Variants in MAP4K4 observed in about 807,000 individuals in gnomAD.
MAP4K4 encodes HPK/GCK-like kinase HGK.
Under a neutral mutation model 189.6 loss-of-function variants are expected in MAP4K4, and 38 were observed. The observed-to-expected ratio is 0.20, with a 90% CI of 0.15 to 0.26. The LOEUF is 0.26. Among genes scored for constraint, MAP4K4 ranks in the 10% least tolerant of loss-of-function variants. The pLI is 1.00. For missense variants in MAP4K4, 1,054 were observed against 1,726.9 expected (o/e 0.61, Z 6.91); for synonymous variants, 610 against 624.3 (o/e 0.98, Z 0.34).
At chr2:101,861,688 C>T (rs894795054) in intron 16 of MAP4K4, 4 of 152,042 alleles carry the variant, frequency 2.6e-5, no homozygotes, top group African/African-American at 7.3e-5. Flanking sequence ...ACAGTGCTGT[C>T]CATAGAGGAG....
At chr2:101,709,664 G>A (rs1292856560) in intron 2 of MAP4K4, among the ~76,000 whole-genome samples, 2 of 152,050 alleles carry the variant, frequency 1.3e-5, no homozygotes, top group Non-Finnish European at 2.9e-5. Flanking sequence ...TATTTACCAT[G>A]TGATGCTAGA....
intron 2 of MAP4K4, among the ~76,000 whole-genome samples, chr2:101,742,342 T>C (rs1222698443): frequency 6.6e-6 from 1 of 152,198 alleles, no homozygotes; most frequent in African/African-American, 2.4e-5. Context: ...CTACGGTGTG[T>C]CTTTTGTCTT....
At chr2:101,844,396 CTG>C in intron 12 of MAP4K4, 85 bp downstream of exon 12, 1 of 1,068,262 alleles carries the variant, frequency 9.4e-7, no homozygotes, top group Non-Finnish European at 1.4e-6. Flanking sequence ...GGAATATCCT[CTG>C]TAGCTTCCTG....
rs1346559227 is a variant in MAP4K4 at position 101,758,295 on chromosome 2, A to T, written c.124-32425A>T. Among the ~76,000 whole-genome samples the T allele has an allele frequency of 6.6e-5, 10 of 152,124 alleles. No homozygotes were observed. The South Asian group carries it at 1.4e-3, about 22-fold the overall frequency. On this transcript the variant is annotated intron_variant, in intron 2 of 32. Coordinates refer to ENST00000324219, the Ensembl canonical transcript of MAP4K4. ...TTACAGTAGCTGTTTTACATTTTTT[A>T]TGTGAGAAGAGATGCTACAGAAGGA...
chr2:101,697,838 G>A lies in MAP4K4; in HGVS notation c.-243G>A, dbSNP rs946574715. 1.3e-3 allele frequency: 182 copies of A among 144,624 alleles called. No individual in the cohort carries two copies. Among genetic ancestry groups the A allele is most frequent in the Non-Finnish European group, 1.8e-3 (119 of 65,216 alleles). 9.0% of individuals were successfully genotyped at this position (144,624 alleles called of 1,614,324 possible). Reference sequence around the variant, plus strand: ...GGCCTGACGGCCGGCCCCGCGCCATGGTGTGAGCGCCGCCGCCCGTGCACG... The same window carrying A: ...GGCCTGACGGCCGGCCCCGCGCCATAGTGTGAGCGCCGCCGCCCGTGCACG... On this transcript the variant is annotated 5_prime_UTR_variant, in exon 1 of 33. An upstream start codon of the reference 5' UTR is lost. Transcript: ENST00000324219.
intron 26 of MAP4K4, among the ~76,000 whole-genome samples, chr2:101,874,896 T>C (rs190830280): frequency 1.3e-5 from 2 of 152,346 alleles, no homozygotes; most frequent in East Asian, 3.9e-4. Context: ...AGTCTTCAGC[T>C]TTATCTTGTT....
chr2:101,804,671 T>C (rs1174822896), intron 3 of MAP4K4, among the ~76,000 whole-genome samples: 1 of 152,204 alleles, frequency 6.6e-6, no homozygotes. Flanking sequence ...GCAGTGTGGC[T>C]GACAGGTCTT....
intron 13 of MAP4K4, among the ~76,000 whole-genome samples, chr2:101,856,969 G>A (rs1015547309): frequency 3.9e-5 from 6 of 152,100 alleles, no homozygotes; most frequent in Admixed American, 1.3e-4. Context: ...CATGCTCCTC[G>A]GTGTTTTCCC....
At chr2:101,891,987 TAAAAAAAAAAAA>T (rs60620198) in exon 33 of MAP4K4, 2 of 59,818 alleles carry the variant, frequency 3.3e-5, no homozygotes, top group African/African-American at 7.3e-5. Flanking sequence ...CAGATGGTTC[TAAAAAAAAAAAA>T]AAAAAAAAAA....
chr2:101,887,977 G>A lies in MAP4K4; in HGVS notation c.3931+40G>A, dbSNP rs76906342. ...GGGAAAGGCAGCATTTGTGAAAATGGAGCCGTGTCTGAGACTCCATTTATT... is the reference window on the plus strand; with the variant it reads ...GGGAAAGGCAGCATTTGTGAAAATGAAGCCGTGTCTGAGACTCCATTTATT... On this transcript the variant is annotated intron_variant, in intron 31 of 32. Coordinates refer to ENST00000324219, the Ensembl canonical transcript of MAP4K4. 6,608 of 1,535,888 alleles carry A rather than the reference G, an allele frequency of 4.3e-3. 211 individuals are homozygous for A. The African/African-American group carries it at 0.079, about 18-fold the overall frequency.
At chr2:101,723,925 A>G (rs1340022740) in intron 2 of MAP4K4, among the ~76,000 whole-genome samples, 1 of 152,040 alleles carries the variant, frequency 6.6e-6, no homozygotes, top group African/African-American at 2.4e-5. Context: ...CCTGGCCACC[A>G]TTGTTTACTA....
At chr2:101,806,353 G>A (rs1436702626) in intron 3 of MAP4K4, among the ~76,000 whole-genome samples, 1 of 150,432 alleles carries the variant, frequency 6.6e-6, no homozygotes, top group Non-Finnish European at 1.5e-5. Flanking sequence ...AAGAGTGAAT[G>A]CCTTCATTTC....
rs138672879 is a variant in MAP4K4 at position 101,713,672 on chromosome 2, A to G, written c.123+15134A>G. ...CACTTTGGGAGGCTGGGGCAGGTGG[A>G]TTGCTTGAGGTCAGGAATTCAAGAC... On this transcript the variant is annotated intron_variant, in intron 2 of 32. Coordinates refer to ENST00000324219, the Ensembl canonical transcript of MAP4K4. Among the ~76,000 whole-genome samples, 717 of 150,268 alleles carry G rather than the reference A, an allele frequency of 4.8e-3. 8 individuals carry two copies. The highest frequency in any genetic ancestry group is 0.016 in the African/African-American group (673 of 40,820).
In MAP4K4 at chr2:101,823,981, T is replaced by C. The variant is rs1286140302; in HGVS notation, c.234T>C (p.His78=). 3.1e-6 allele frequency: 5 copies of C among 1,610,296 alleles called. No individual in the cohort carries two copies. In the East Asian group the frequency reaches 1.1e-4, roughly 36 times the overall value. ...TAAATATGCTAAAGAAATACTCTCA[T>C]CACAGAAACATTGCAACATATTATG... Residue 78 remains histidine (H), a synonymous_variant, in exon 4 of 33, where the codon CAT becomes CAC. Coordinates refer to ENST00000324219, the Ensembl canonical transcript of MAP4K4.
intron 27 of MAP4K4, among the ~76,000 whole-genome samples, chr2:101,877,913 CTGATT>C (rs1269888835): frequency 6.6e-6 from 1 of 152,106 alleles, no homozygotes; most frequent in Non-Finnish European, 1.5e-5. Flanking sequence ...CCATGCCCGG[CTGATT>C]TTTTGTATTT....
intron 27 of MAP4K4, among the ~76,000 whole-genome samples, chr2:101,878,103 A>T (rs1418435975): frequency 6.6e-6 from 1 of 152,188 alleles, no homozygotes. Flanking sequence ...GTGTAATATA[A>T]ACTAGTACAG....
At chr2:101,837,362 CT>C (rs1474827019) in intron 9 of MAP4K4, among the ~76,000 whole-genome samples, 4 of 152,050 alleles carry the variant, frequency 2.6e-5, no homozygotes, top group Non-Finnish European at 5.9e-5. Context: ...CTGTAGCTCA[CT>C]GTCCTTGCCC....
intron 2 of MAP4K4, among the ~76,000 whole-genome samples, chr2:101,702,705 C>A (rs947372823): frequency 1.3e-5 from 2 of 152,152 alleles, no homozygotes; most frequent in African/African-American, 4.8e-5. Context: ...TGTCTGAAAT[C>A]AAGGTTCACT....
chr2:101,729,099 AGAGT>A (rs2057128604), intron 2 of MAP4K4, among the ~76,000 whole-genome samples: 4 of 56,696 alleles, frequency 7.1e-5, no homozygotes, highest in South Asian at 6.0e-4. Flanking sequence ...AGAGAGAGAG[AGAGT>A]GTGTGTGTGT....
Sources: allele counts gnomAD v4.1 joint callset (sites outside exome capture counted in the v4.1 genomes callset), GRCh38; gene constraint gnomAD v4.1.1; transcripts MANE v1.5; gene names NCBI Gene and HGNC (gene_info 2026-07-23, HGNC 2026-07-21).